The following ZNF385D variants were observed in gnomAD, a reference collection of about 807,000 sequenced individuals.
ZNF385D encodes the protein zinc finger protein 385D, also known as zinc finger protein 659.
ZNF385D carries 15 observed loss-of-function variants against 35.8 expected under a neutral mutation model. The ratio of observed to expected loss-of-function variants is 0.42; its 90% confidence interval spans 0.28 to 0.64. The LOEUF (loss-of-function observed/expected upper bound fraction) is 0.64, where lower values mean the gene tolerates loss of function less well. Ranked by LOEUF, ZNF385D falls within the 30% of genes least tolerant of loss-of-function variation. ZNF385D has a pLI of 0.23. For missense variants in ZNF385D, 474 were observed against 494.6 expected (o/e 0.96, Z 0.39); for synonymous variants, 212 against 186.8 (o/e 1.13, Z -1.10).
intron 3 of ZNF385D, among the ~76,000 whole-genome samples, chr3:21,956,146 C>T (rs1477150861): frequency 6.6e-6 from 1 of 151,702 alleles, no homozygotes; most frequent in African/African-American, 2.4e-5. Flanking sequence ...GTGATCACAC[C>T]ACTGCATTGA....
At chr3:22,226,958 T>C (rs145894192) in intron 2 of ZNF385D, among the ~76,000 whole-genome samples, 1 of 152,258 alleles carries the variant, frequency 6.6e-6, no homozygotes, top group East Asian at 1.9e-4. Context: ...CAAATGCCAA[T>C]ATGGAAAAAT....
chr3:21,635,441 C>T (rs2065400201), intron 2 of ZNF385D, among the ~76,000 whole-genome samples: 1 of 152,020 alleles, frequency 6.6e-6, no homozygotes, highest in Non-Finnish European at 1.5e-5. Flanking sequence ...AACTGAGTTA[C>T]AATGAACTTA....
At chr3:21,635,739 TC>T (rs1308994406) in intron 2 of ZNF385D, among the ~76,000 whole-genome samples, 21 of 152,186 alleles carry the variant, frequency 1.4e-4, no homozygotes, top group East Asian at 9.7e-4. Context: ...GTCCCCAAAG[TC>T]CATTGTATCA....
At chr3:21,893,033 G>A (rs1698957734) in intron 3 of ZNF385D, among the ~76,000 whole-genome samples, 1 of 152,146 alleles carries the variant, frequency 6.6e-6, no homozygotes, top group Non-Finnish European at 1.5e-5. Flanking sequence ...AAACATAGGA[G>A]AAGAGAAGAA....
chr3:21,448,905 T>C (rs1354536966), intron 4 of ZNF385D, among the ~76,000 whole-genome samples: 1 of 152,184 alleles, frequency 6.6e-6, no homozygotes, highest in Non-Finnish European at 1.5e-5. Flanking sequence ...CTTTTCACAT[T>C]TGAGAATACA....
chr3:22,356,658 A>G (rs1412824661), intron 2 of ZNF385D, among the ~76,000 whole-genome samples: 1 of 151,982 alleles, frequency 6.6e-6, no homozygotes, highest in Non-Finnish European at 1.5e-5. Context: ...TAGAATGCAA[A>G]GTGTTATGAC....
chr3:21,421,598 A>G, intron 7 of ZNF385D, 151 bp from the exon 8 acceptor site: 1 of 618,234 alleles, frequency 1.6e-6, no homozygotes, highest in Admixed American at 3.0e-5. Context: ...GAAAATGGGA[A>G]GTATAGAACA....
At chr3:21,853,736 T>A (rs1375643142) in intron 3 of ZNF385D, among the ~76,000 whole-genome samples, 2 of 151,774 alleles carry the variant, frequency 1.3e-5, no homozygotes, top group African/African-American at 4.8e-5. Flanking sequence ...AATTTCCTCA[T>A]CTGTAAAAAA....
chr3:21,838,232 G>T (rs1695448332), intron 3 of ZNF385D, among the ~76,000 whole-genome samples: 1 of 152,064 alleles, frequency 6.6e-6, no homozygotes, highest in Non-Finnish European at 1.5e-5. Flanking sequence ...ATTGCCTGGG[G>T]AGACAATGCA....
chr3:22,095,247 A>T (rs1450757227), intron 3 of ZNF385D, among the ~76,000 whole-genome samples: 1 of 151,738 alleles, frequency 6.6e-6, no homozygotes, highest in Non-Finnish European at 1.5e-5. Context: ...TTATCCTTGA[A>T]ATTAAACAAT....
chr3:21,949,406 T>A (rs971010033), intron 3 of ZNF385D, among the ~76,000 whole-genome samples: 2 of 151,994 alleles, frequency 1.3e-5, no homozygotes, highest in African/African-American at 4.8e-5. Flanking sequence ...GGGGTGGCTA[T>A]CTTTATTGTT....
intron 3 of ZNF385D, among the ~76,000 whole-genome samples, chr3:21,758,843 T>C (rs1475079198): frequency 6.6e-6 from 1 of 151,866 alleles, no homozygotes; most frequent in East Asian, 1.9e-4. Flanking sequence ...CCTCTCACTT[T>C]AAATGTATGT....
intron 2 of ZNF385D, among the ~76,000 whole-genome samples, chr3:22,328,927 A>T (rs374961067): frequency 1.3e-5 from 2 of 151,932 alleles, no homozygotes; most frequent in Admixed American, 6.5e-5. Flanking sequence ...TACAAAAAAA[A>T]TTAGCTGGGC....
At chr3:22,168,450 AATCCTGAAT>A (rs1706476848) in intron 3 of ZNF385D, 1 of 152,190 alleles carries the variant, frequency 6.6e-6, no homozygotes, top group Admixed American at 6.5e-5. Flanking sequence ...CAACCAATTG[AATCCTGAAT>A]ATCTGCAGGA....
At chr3:21,608,023 G>GTTTTTTTTTGGTTTTTTT (rs1553622610) in intron 2 of ZNF385D, among the ~76,000 whole-genome samples, 17,764 of 117,760 alleles carry the variant, frequency 0.15, 2,183 homozygotes, top group Admixed American at 0.19. Context: ...TTTTTTTTTT[G>GTTTTTTTTTGGTTTTTTT]TTTTTTTTTT....
At chr3:21,690,894 T>C (rs1172527545) in intron 1 of ZNF385D, among the ~76,000 whole-genome samples, 1 of 152,190 alleles carries the variant, frequency 6.6e-6, no homozygotes, top group East Asian at 1.9e-4. Context: ...CATCACCCTG[T>C]GCACCTACGT....
chr3:22,157,016 T>C (rs1371685518), intron 3 of ZNF385D, among the ~76,000 whole-genome samples: 3 of 152,128 alleles, frequency 2.0e-5, no homozygotes, highest in African/African-American at 4.8e-5. Flanking sequence ...AGACAACCAC[T>C]TCCTCTTTTT....
intron 3 of ZNF385D, chr3:21,878,180 G>A (rs809647): frequency 0.65 from 98,592 of 151,786 alleles, 32,390 homozygotes; most frequent in African/African-American, 0.7. Context: ...TTATTACTAC[G>A]TCTTACACAT....
intron 2 of ZNF385D, among the ~76,000 whole-genome samples, chr3:21,595,304 T>G (rs371249817): frequency 6.6e-6 from 1 of 152,078 alleles, no homozygotes; most frequent in African/African-American, 2.4e-5. Flanking sequence ...CACATATAGG[T>G]CTTCACTCTG....
Sources: gnomAD v4.1 joint callset for allele counts (sites outside exome capture counted in the v4.1 genomes callset) on GRCh38, gnomAD v4.1.1 for gene constraint, MANE v1.5 for transcripts, NCBI Gene and HGNC (gene_info 2026-07-23, HGNC 2026-07-21) for gene names.